LURAP1L: variants seen among roughly 807,000 people sequenced by gnomAD.
The protein encoded by LURAP1L is leucine rich adaptor protein 1 like.
In LURAP1L, 12 loss-of-function variants were observed where a neutral mutation model predicts 13.8. The ratio of observed to expected loss-of-function variants is 0.87; its 90% CI spans 0.56 to 1.41. LURAP1L has a LOEUF of 1.41. LURAP1L is among the 40% of genes most tolerant of loss of function. The pLI, the probability that LURAP1L is intolerant of heterozygous loss-of-function variation, is 0.00. For missense variants in LURAP1L, 375 were observed against 292.9 expected (o/e 1.28, Z -2.04); for synonymous variants, 139 against 119.2 (o/e 1.17, Z -1.08).
intron 1 of LURAP1L, among the ~76,000 whole-genome samples, chr9:12,815,410 T>C (rs568153934): frequency 6.6e-6 from 1 of 152,304 alleles, no homozygotes; most frequent in East Asian, 1.9e-4. Flanking sequence ...CTAAACTCTC[T>C]TCCACCAACT....
At chr9:12,821,362 T>C in intron 1 of LURAP1L, 24 bp from the exon 2 acceptor site, 1 of 1,594,814 alleles carries the variant, frequency 6.3e-7, no homozygotes, top group South Asian at 1.1e-5. Context: ...GGCTGGAATA[T>C]CTTTCTTCTC....
intron 1 of LURAP1L, among the ~76,000 whole-genome samples, chr9:12,796,272 A>G (rs1051234030): frequency 2.6e-4 from 40 of 152,072 alleles, no homozygotes; most frequent in Non-Finnish European, 4.4e-5. Flanking sequence ...CATAAAATAT[A>G]AAGAAGAGTG....
chr9:12,802,570 C>T (rs962950264), intron 1 of LURAP1L, among the ~76,000 whole-genome samples: 3 of 152,154 alleles, frequency 2.0e-5, no homozygotes, highest in African/African-American at 4.8e-5. Context: ...GTGCAGCCTT[C>T]GGAACCATGA....
chr9:12,807,118 T>TATATATATATA (rs1563896115), intron 1 of LURAP1L, among the ~76,000 whole-genome samples: 7 of 133,720 alleles, frequency 5.2e-5, no homozygotes, highest in South Asian at 2.3e-4. Flanking sequence ...TATATATATA[T>TATATATATATA]TAGCCGGGCG....
At chr9:12,807,446 T>C (rs939790998) in intron 1 of LURAP1L, among the ~76,000 whole-genome samples, 11 of 152,170 alleles carry the variant, frequency 7.2e-5, no homozygotes, top group African/African-American at 2.2e-4. Context: ...CTAGAGACTA[T>C]GTAGTTAACT....
intron 1 of LURAP1L, among the ~76,000 whole-genome samples, chr9:12,782,556 G>C (rs1586874782): frequency 6.6e-6 from 1 of 152,282 alleles, no homozygotes; most frequent in South Asian, 2.1e-4. Flanking sequence ...GTAGGTATGT[G>C]AATTTGTTTG....
At chr9:12,797,598 A>C (rs1256519652) in intron 1 of LURAP1L, among the ~76,000 whole-genome samples, 2 of 152,154 alleles carry the variant, frequency 1.3e-5, no homozygotes, top group Non-Finnish European at 2.9e-5. Flanking sequence ...TAGTTTGAGC[A>C]AAAGTTTGAG....
intron 1 of LURAP1L, among the ~76,000 whole-genome samples, chr9:12,804,404 G>A (rs888670034): frequency 2.0e-5 from 3 of 150,578 alleles, no homozygotes; most frequent in African/African-American, 7.3e-5. Context: ...GAGTGCAGTG[G>A]CATGGTCTCG....
intron 1 of LURAP1L, among the ~76,000 whole-genome samples, chr9:12,819,537 T>C (rs1278594572): frequency 6.6e-6 from 1 of 152,208 alleles, no homozygotes; most frequent in Non-Finnish European, 1.5e-5. Flanking sequence ...CATCCAAGAA[T>C]GAATGTCTGA....
intron 1 of LURAP1L, among the ~76,000 whole-genome samples, chr9:12,797,856 T>C (rs1346814129): frequency 2.6e-5 from 4 of 152,300 alleles, no homozygotes; most frequent in Non-Finnish European, 5.9e-5. Context: ...ATCCAGCTAT[T>C]ATTTAGTTTC....
intron 1 of LURAP1L, among the ~76,000 whole-genome samples, chr9:12,809,346 T>C (rs1819706237): frequency 6.6e-6 from 1 of 152,202 alleles, no homozygotes; most frequent in African/African-American, 2.4e-5. Context: ...CATTTCAGTT[T>C]GGGGAGTTTC....
chr9:12,800,822 T>C (rs745659303), intron 1 of LURAP1L, among the ~76,000 whole-genome samples: 4 of 152,146 alleles, frequency 2.6e-5, no homozygotes, highest in Non-Finnish European at 4.4e-5. Context: ...AAAACTCTTT[T>C]AAATAAATTA....
chr9:12,777,549 A>C, intron 1 of LURAP1L: 1 of 973,762 alleles, frequency 1.0e-6, no homozygotes, highest in Non-Finnish European at 1.2e-6. Flanking sequence ...ATATTCACTT[A>C]ATCTAATAAA....
chr9:12,794,250 A>G (rs1042686159), intron 1 of LURAP1L, among the ~76,000 whole-genome samples: 13 of 152,120 alleles, frequency 8.5e-5, no homozygotes, highest in African/African-American at 2.9e-4. Context: ...TCCAAACATC[A>G]TTACTGAGAA....
intron 1 of LURAP1L, among the ~76,000 whole-genome samples, chr9:12,787,896 G>T (rs1180744492): frequency 6.6e-6 from 1 of 151,994 alleles, no homozygotes; most frequent in African/African-American, 2.4e-5. Context: ...TAGATCACTA[G>T]AAGTCAGGAA....
intron 1 of LURAP1L, among the ~76,000 whole-genome samples, chr9:12,811,477 C>T (rs1200549771): frequency 1.3e-5 from 2 of 152,212 alleles, no homozygotes; most frequent in Non-Finnish European, 2.9e-5. Context: ...GAAAGAAAAG[C>T]TGTCCTCCTG....
chr9:12,817,985 G>A (rs1213659172), intron 1 of LURAP1L, among the ~76,000 whole-genome samples: 1 of 151,974 alleles, frequency 6.6e-6, no homozygotes, highest in South Asian at 2.1e-4. Flanking sequence ...GTGGGAAGCT[G>A]TTTACTCTCT....
intron 1 of LURAP1L, among the ~76,000 whole-genome samples, chr9:12,795,034 T>C (rs181900040): frequency 1.3e-5 from 2 of 151,932 alleles, no homozygotes; most frequent in Non-Finnish European, 2.9e-5. Flanking sequence ...AAAATATAAT[T>C]TTGATATGAA....
intron 1 of LURAP1L, among the ~76,000 whole-genome samples, chr9:12,789,868 T>C (rs17284324): frequency 1.3e-5 from 2 of 152,154 alleles, no homozygotes; most frequent in African/African-American, 2.4e-5. Context: ...GATAAAGCCC[T>C]TTTTAGGATT....
Sources: allele counts gnomAD v4.1 joint callset (sites outside exome capture counted in the v4.1 genomes callset), GRCh38; gene constraint gnomAD v4.1.1; transcripts MANE v1.5; gene names NCBI Gene and HGNC (gene_info 2026-07-23, HGNC 2026-07-21).